MAGI2: variants seen among roughly 807,000 people sequenced by gnomAD.
The protein encoded by MAGI2 is membrane-associated guanylate kinase, WW and PDZ domain-containing protein 2.
A neutral mutation model predicts 133.3 loss-of-function variants in MAGI2; 35 were observed. That is an observed-to-expected ratio of 0.26 (90% CI 0.20 to 0.35). The LOEUF (loss-of-function observed/expected upper bound fraction) is 0.35, where lower values mean the gene tolerates loss of function less well. Among genes scored for constraint, MAGI2 ranks in the 10% least tolerant of loss-of-function variants. MAGI2 has a pLI of 1.00. For synonymous variants in MAGI2, 729 were observed against 710.6 expected (o/e 1.03, Z -0.41); for missense variants, 1,636 against 1,863.4 (o/e 0.88, Z 2.25).
intron 1 of MAGI2, among the ~76,000 whole-genome samples, chr7:79,379,093 A>G (rs1350377860): frequency 7.0e-6 from 1 of 142,578 alleles, no homozygotes; most frequent in Non-Finnish European, 1.5e-5. Flanking sequence ...TATATCTCAT[A>G]ATGCTATCCC....
intron 10 of MAGI2, among the ~76,000 whole-genome samples, chr7:78,230,956 G>T (rs1054002663): frequency 6.6e-6 from 1 of 152,140 alleles, no homozygotes; most frequent in African/African-American, 2.4e-5. Flanking sequence ...CCTTGGGGAG[G>T]ATGGTCTTTA....
At chr7:79,282,448 G>T (rs1528268) in intron 1 of MAGI2, among the ~76,000 whole-genome samples, 131,536 of 152,188 alleles carry the variant, frequency 0.86, 57,019 homozygotes, top group African/African-American at 0.92. Context: ...ATTTTATACT[G>T]TTGTTTTTGT....
At chr7:78,847,900 A>G (rs1792762929) in intron 2 of MAGI2, among the ~76,000 whole-genome samples, 2 of 151,998 alleles carry the variant, frequency 1.3e-5, no homozygotes. Flanking sequence ...TTATGTCATC[A>G]GTATCTGGCA....
At chr7:79,382,946 T>G (rs2129144113) in intron 1 of MAGI2, among the ~76,000 whole-genome samples, 1 of 151,734 alleles carries the variant, frequency 6.6e-6, no homozygotes. Flanking sequence ...GCTAACCATC[T>G]TTAGCAACAA....
chr7:78,646,044 A>G (rs1810858694), intron 2 of MAGI2, among the ~76,000 whole-genome samples: 1 of 152,142 alleles, frequency 6.6e-6, no homozygotes, highest in Admixed American at 6.6e-5. Flanking sequence ...TGGCCCAGCA[A>G]AAGTATTTTT....
chr7:78,688,778 A>G (rs954619910), intron 2 of MAGI2, among the ~76,000 whole-genome samples: 8 of 152,244 alleles, frequency 5.3e-5, no homozygotes, highest in Admixed American at 3.9e-4. Flanking sequence ...TACAAGATTT[A>G]CAAAGATCTT....
intron 2 of MAGI2, among the ~76,000 whole-genome samples, chr7:78,795,045 A>G (rs1032819932): frequency 1.3e-5 from 2 of 152,124 alleles, no homozygotes; most frequent in African/African-American, 4.8e-5. Flanking sequence ...TTTATTCAAC[A>G]TAGTACTAGA....
In MAGI2 at chr7:79,331,414, C is replaced by T. The variant is rs369409313; in HGVS notation, c.301+121606G>A. Among the ~76,000 whole-genome samples the T allele has an allele frequency of 7.2e-5, 11 of 152,184 alleles. No homozygotes were observed. In the East Asian group the frequency reaches 1.3e-3, roughly 19 times the overall value. ...TGAAATGTCAATAAAAACATTTGTA[C>T]ATATCACATTTAACTAAAATACCAA... On this transcript the variant is annotated intron_variant, in intron 1 of 21. Coordinates refer to ENST00000354212, the MANE Select transcript of MAGI2 (RefSeq NM_012301.4).
At chr7:78,177,342 T>C (rs1030755815) in intron 14 of MAGI2, among the ~76,000 whole-genome samples, 2 of 152,130 alleles carry the variant, frequency 1.3e-5, no homozygotes, top group Admixed American at 6.6e-5. Flanking sequence ...TTTTAACATA[T>C]GCTCATAAAT....
chr7:78,064,301 T>C (rs977361200), intron 21 of MAGI2, among the ~76,000 whole-genome samples: 2 of 150,988 alleles, frequency 1.3e-5, no homozygotes, highest in African/African-American at 2.4e-5. Flanking sequence ...TTTTTGTAGA[T>C]AGCTTCAAGG....
chr7:78,198,456 T>G (rs576451121), intron 11 of MAGI2, among the ~76,000 whole-genome samples: 1 of 119,504 alleles, frequency 8.4e-6, no homozygotes, highest in African/African-American at 3.1e-5. Flanking sequence ...TTTCGAGACA[T>G]GGTCTCACTC....
chr7:79,361,801 TA>T (rs1165787920), intron 1 of MAGI2, among the ~76,000 whole-genome samples: 2 of 152,124 alleles, frequency 1.3e-5, no homozygotes, highest in African/African-American at 4.8e-5. Context: ...GGAAAATCTC[TA>T]AATACATGGA....
At chr7:78,313,637 A>T (rs1461204148) in intron 9 of MAGI2, among the ~76,000 whole-genome samples, 1 of 152,084 alleles carries the variant, frequency 6.6e-6, no homozygotes, top group Non-Finnish European at 1.5e-5. Context: ...TACAAAAAAA[A>T]AAGTCAAGAA....
intron 1 of MAGI2, among the ~76,000 whole-genome samples, chr7:79,256,042 T>C (rs972579022): frequency 6.6e-6 from 1 of 152,158 alleles, no homozygotes; most frequent in East Asian, 1.9e-4. Context: ...AGAAGGCACA[T>C]TGTACAATTG....
At chr7:78,920,918 G>C (rs943779231) in intron 2 of MAGI2, among the ~76,000 whole-genome samples, 1 of 152,102 alleles carries the variant, frequency 6.6e-6, no homozygotes, top group Non-Finnish European at 1.5e-5. Context: ...TTAATTCCTT[G>C]AGGGTTTCTA....
At chr7:79,197,081 C>T (rs772045083) in intron 1 of MAGI2, among the ~76,000 whole-genome samples, 1 of 151,758 alleles carries the variant, frequency 6.6e-6, no homozygotes, top group African/African-American at 2.4e-5. Flanking sequence ...GCACCTGGCC[C>T]AGAAGTTTGT....
chr7:79,091,200 G>A (rs1817018066), intron 1 of MAGI2, among the ~76,000 whole-genome samples: 1 of 151,918 alleles, frequency 6.6e-6, no homozygotes. Flanking sequence ...TGTCTCTCAA[G>A]CTCCTTATGA....
intron 12 of MAGI2, among the ~76,000 whole-genome samples, chr7:78,192,323 C>T (rs754966894): frequency 2.6e-5 from 4 of 151,850 alleles, no homozygotes; most frequent in East Asian, 3.8e-4. Context: ...TTCATAATCA[C>T]GAATTTTGAA....
chr7:79,435,040 C>T (rs752399222), intron 1 of MAGI2, among the ~76,000 whole-genome samples: 225 of 152,252 alleles, frequency 1.5e-3, no homozygotes, highest in Non-Finnish European at 1.5e-3. Flanking sequence ...AGCTTCCTGG[C>T]CTTTGGACTG....
Sources: gnomAD v4.1 joint callset for allele counts (sites outside exome capture counted in the v4.1 genomes callset) on GRCh38, gnomAD v4.1.1 for gene constraint, MANE v1.5 for transcripts, NCBI Gene and HGNC (gene_info 2026-07-23, HGNC 2026-07-21) for gene names.